Variants in STXBP5L observed in about 807,000 individuals in gnomAD.
The protein encoded by STXBP5L is syntaxin-binding protein 5-like.
A neutral mutation model predicts 144.5 loss-of-function variants in STXBP5L; 65 were observed. That is an observed-to-expected ratio of 0.45 (90% confidence interval 0.37 to 0.55). The LOEUF (loss-of-function observed/expected upper bound fraction) is 0.55, where lower values mean the gene tolerates loss of function less well. Among genes scored for constraint, STXBP5L ranks in the 20% least tolerant of loss-of-function variants. STXBP5L has a pLI of 0.00. For synonymous variants in STXBP5L, 505 were observed against 469.6 expected (o/e 1.08, Z -0.97); for missense variants, 1,298 against 1,405.5 (o/e 0.92, Z 1.22).
At chr3:121,013,822 T>C (rs1236836849) in intron 3 of STXBP5L, among the ~76,000 whole-genome samples, 1 of 151,978 alleles carries the variant, frequency 6.6e-6, no homozygotes, top group Non-Finnish European at 1.5e-5. Flanking sequence ...TTTTTTATGG[T>C]GAGAAGTAGG....
chr3:121,166,486 C>T (rs2108039889), intron 9 of STXBP5L, among the ~76,000 whole-genome samples: 1 of 152,184 alleles, frequency 6.6e-6, no homozygotes, highest in Non-Finnish European at 1.5e-5. Flanking sequence ...GTTAATTTTG[C>T]AGATTATAAT....
chr3:121,074,761 G>GC (rs2041953572), intron 5 of STXBP5L, among the ~76,000 whole-genome samples: 1 of 152,246 alleles, frequency 6.6e-6, no homozygotes, highest in Middle Eastern at 3.4e-3. Flanking sequence ...TTAGAGTCGT[G>GC]CCCCCTTACG....
At chr3:121,092,950 A>G (rs1261013672) in intron 5 of STXBP5L, among the ~76,000 whole-genome samples, 1 of 152,332 alleles carries the variant, frequency 6.6e-6, no homozygotes, top group East Asian at 1.9e-4. Flanking sequence ...TGTCCCATCA[A>G]TACCTAATTT....
intron 3 of STXBP5L, among the ~76,000 whole-genome samples, chr3:121,039,101 G>T (rs1452258229): frequency 1.3e-5 from 2 of 151,866 alleles, no homozygotes; most frequent in East Asian, 3.8e-4. Flanking sequence ...TGCATTTAGT[G>T]TGGTATTGGT....
chr3:121,040,674 G>A (rs1040888701), intron 3 of STXBP5L, among the ~76,000 whole-genome samples: 2 of 151,970 alleles, frequency 1.3e-5, no homozygotes, highest in African/African-American at 4.8e-5. Flanking sequence ...TCCCTAGACT[G>A]TTAATTCTGT....
At chr3:121,276,297 ATCC>A (rs2050884381) in intron 18 of STXBP5L, among the ~76,000 whole-genome samples, 1 of 151,952 alleles carries the variant, frequency 6.6e-6, no homozygotes, top group African/African-American at 2.4e-5. Flanking sequence ...GCTTCTATTT[ATCC>A]TCCTGTTTTT....
chr3:121,218,621 G>C (rs947350466), intron 10 of STXBP5L, among the ~76,000 whole-genome samples: 5 of 151,876 alleles, frequency 3.3e-5, no homozygotes, highest in African/African-American at 9.7e-5. Context: ...ACCATGAAGA[G>C]AGAAATCAGG....
chr3:121,380,873 A>C (rs1309407014), intron 21 of STXBP5L, among the ~76,000 whole-genome samples: 1 of 152,164 alleles, frequency 6.6e-6, no homozygotes, highest in Non-Finnish European at 1.5e-5. Flanking sequence ...CAGTATTGTC[A>C]TTGGAACTGA....
At chr3:121,271,974 C>G (rs2050747396) in intron 18 of STXBP5L, among the ~76,000 whole-genome samples, 1 of 152,126 alleles carries the variant, frequency 6.6e-6, no homozygotes, top group African/African-American at 2.4e-5. Context: ...TGATTGATTT[C>G]TAGTTTTATA....
chr3:121,084,566 C>G (rs2042399332), intron 5 of STXBP5L, among the ~76,000 whole-genome samples: 1 of 152,190 alleles, frequency 6.6e-6, no homozygotes, highest in Non-Finnish European at 1.5e-5. Flanking sequence ...CATAGTATTC[C>G]ATGGTGTATA....
rs1208220938 is a variant in STXBP5L at position 121,041,685 on chromosome 3, C to T, written c.288-15C>T. On this transcript the variant is annotated splice_polypyrimidine_tract_variant and intron_variant, in intron 3 of 26. Coordinates refer to ENST00000471454, the MANE Select transcript of STXBP5L (RefSeq NM_001308330.2). ...CTAATTAAAATGTTAGAATCCTTGA[C>T]TTTTATTATATTAGACTCGGGAGAC... 6.3e-7 allele frequency: 1 copy of T among 1,599,076 alleles called. No homozygotes were observed. The highest frequency in any genetic ancestry group is 8.6e-7 in the Non-Finnish European group (1 of 1,167,216).
chr3:121,100,392 C>T (rs572594117), intron 5 of STXBP5L, among the ~76,000 whole-genome samples: 2 of 152,118 alleles, frequency 1.3e-5, no homozygotes, highest in African/African-American at 2.4e-5. Flanking sequence ...GAAATCATAT[C>T]AAACATACTC....
intron 20 of STXBP5L, among the ~76,000 whole-genome samples, chr3:121,374,581 G>T (rs1277214898): frequency 6.6e-6 from 1 of 152,090 alleles, no homozygotes; most frequent in African/African-American, 2.4e-5. Flanking sequence ...TTCCTGAGCT[G>T]AATGAGAAAT....
chr3:120,937,218 G>A (rs1185745233), intron 2 of STXBP5L, among the ~76,000 whole-genome samples: 1 of 152,124 alleles, frequency 6.6e-6, no homozygotes, highest in East Asian at 1.9e-4. Flanking sequence ...CTTGAGGACA[G>A]GTCTTGTTAA....
chr3:121,292,482 G>A (rs1474784913), intron 19 of STXBP5L, among the ~76,000 whole-genome samples: 1 of 152,116 alleles, frequency 6.6e-6, no homozygotes, highest in African/African-American at 2.4e-5. Context: ...ACAGTATGAA[G>A]ATTCCTTAAA....
intron 10 of STXBP5L, among the ~76,000 whole-genome samples, chr3:121,210,991 G>T (rs998175976): frequency 1.3e-5 from 2 of 152,126 alleles, no homozygotes; most frequent in African/African-American, 2.4e-5. Flanking sequence ...GCTTGATGGG[G>T]ATGGCATTGA....
intron 14 of STXBP5L, among the ~76,000 whole-genome samples, chr3:121,243,575 AC>A (rs1272960539): frequency 3.3e-5 from 5 of 152,046 alleles, no homozygotes; most frequent in African/African-American, 1.2e-4. Flanking sequence ...ACTGATTTTA[AC>A]CCTTTTCCTA....
intron 5 of STXBP5L, among the ~76,000 whole-genome samples, chr3:121,091,658 A>G (rs1266489098): frequency 3.9e-5 from 6 of 151,988 alleles, no homozygotes; most frequent in African/African-American, 7.3e-5. Flanking sequence ...TGAGTTCATC[A>G]TAGATTCTGG....
intron 19 of STXBP5L, among the ~76,000 whole-genome samples, chr3:121,291,142 T>A (rs1331637069): frequency 6.6e-6 from 1 of 152,074 alleles, no homozygotes; most frequent in African/African-American, 2.4e-5. Flanking sequence ...ATTGTATGCC[T>A]AGAATACCCT....
Sources: gnomAD v4.1 joint callset for allele counts (sites outside exome capture counted in the v4.1 genomes callset) on GRCh38, gnomAD v4.1.1 for gene constraint, MANE v1.5 for transcripts, NCBI Gene and HGNC (gene_info 2026-07-23, HGNC 2026-07-21) for gene names.